Variants in RAB11FIP4 observed in about 807,000 individuals in gnomAD.
The protein encoded by RAB11FIP4 is RAB11 family interacting protein 4.
In RAB11FIP4, 23 loss-of-function variants were observed where a neutral mutation model predicts 74.3. The observed-to-expected ratio is 0.31, with a 90% CI of 0.22 to 0.44. The LOEUF is 0.44. Among genes scored for constraint, RAB11FIP4 ranks in the 20% least tolerant of loss-of-function variants. RAB11FIP4 has a pLI of 1.00. For missense variants in RAB11FIP4, 630 were observed against 863.9 expected, an observed-to-expected ratio of 0.73 and a Z score of 3.39; for synonymous variants, 360 against 359.9, an observed-to-expected ratio of 1.00 and a Z score of 0.00.
At chr17:31,523,759 TCCCCCACC>T in intron 8 of RAB11FIP4, 126 bp from the exon 9 acceptor site, 1 of 991,476 alleles carries the variant, frequency 1.0e-6, no homozygotes, top group Non-Finnish European at 1.6e-6. Context: ...TGTTCCCCAC[TCCCCCACC>T]CCACACATGA....
chr17:31,449,361 A>G (rs1652820600), intron 3 of RAB11FIP4, among the ~76,000 whole-genome samples: 1 of 152,140 alleles, frequency 6.6e-6, no homozygotes, highest in Admixed American at 6.5e-5. Flanking sequence ...TGGAGCTGAC[A>G]TAATAATGCC....
chr17:31,402,598 T>TTTCA (rs1555541192), intron 1 of RAB11FIP4, among the ~76,000 whole-genome samples: 1 of 142,752 alleles, frequency 7.0e-6, no homozygotes, highest in Non-Finnish European at 1.5e-5. Context: ...TTTTATTTAT[T>TTTCA]TTTATTTATT....
At chr17:31,513,762 A>G (rs940168896) in intron 3 of RAB11FIP4, among the ~76,000 whole-genome samples, 2 of 152,256 alleles carry the variant, frequency 1.3e-5, no homozygotes, top group Admixed American at 6.5e-5. Flanking sequence ...TGTTGGGAAT[A>G]GCCATTTTTA....
At chr17:31,490,725 TG>T (rs1158202323) in intron 3 of RAB11FIP4, among the ~76,000 whole-genome samples, 1 of 152,138 alleles carries the variant, frequency 6.6e-6, no homozygotes, top group East Asian at 1.9e-4. Context: ...GGCTAATTTT[TG>T]TTTTTGTTTT....
chr17:31,480,816 A>C (rs2071840969), intron 3 of RAB11FIP4, among the ~76,000 whole-genome samples: 1 of 138,112 alleles, frequency 7.2e-6, no homozygotes, highest in Admixed American at 7.2e-5. Context: ...AAAAAAAAAA[A>C]GAAAGAAAAT....
At chr17:31,513,234 A>AC (rs1484952477) in intron 3 of RAB11FIP4, among the ~76,000 whole-genome samples, 3 of 151,902 alleles carry the variant, frequency 2.0e-5, no homozygotes, top group African/African-American at 4.8e-5. Context: ...GAAGTCTGTG[A>AC]CCCCCAGGCC....
intron 3 of RAB11FIP4, among the ~76,000 whole-genome samples, chr17:31,471,245 T>TG (rs2071734046): frequency 6.6e-6 from 1 of 150,590 alleles, no homozygotes; most frequent in African/African-American, 2.5e-5. Flanking sequence ...TTTTTTTTTT[T>TG]GTAGAGATAA....
intron 2 of RAB11FIP4, among the ~76,000 whole-genome samples, chr17:31,432,644 G>A (rs1390850899): frequency 6.6e-6 from 1 of 152,180 alleles, no homozygotes; most frequent in Non-Finnish European, 1.5e-5. Context: ...ACAGGCATCA[G>A]CCTCCATGCC....
At chr17:31,482,113 T>A (rs985823642) in intron 3 of RAB11FIP4, among the ~76,000 whole-genome samples, 3 of 151,982 alleles carry the variant, frequency 2.0e-5, no homozygotes, top group African/African-American at 7.3e-5. Context: ...AGGGGAGGAG[T>A]CTGAGGCCCA....
intron 3 of RAB11FIP4, among the ~76,000 whole-genome samples, chr17:31,441,088 G>A (rs757657680): frequency 4.6e-5 from 7 of 151,982 alleles, no homozygotes; most frequent in Non-Finnish European, 1.0e-4. Flanking sequence ...GCAGTGGCTG[G>A]ATCTCTGCTC....
intron 11 of RAB11FIP4, 117 bp downstream of exon 11, chr17:31,528,040 A>G (rs553257011): frequency 2.0e-5 from 15 of 755,998 alleles, no homozygotes; most frequent in East Asian, 1.6e-4. Context: ...AAAAGTGAAT[A>G]ACAACTTGTG....
intron 1 of RAB11FIP4, among the ~76,000 whole-genome samples, chr17:31,412,207 C>T (rs1227338577): frequency 9.2e-5 from 14 of 152,228 alleles, no homozygotes; most frequent in Admixed American, 9.2e-4. Flanking sequence ...CACCACCCTC[C>T]TCTCACACAG....
chr17:31,438,765 T>C (rs893017057), intron 3 of RAB11FIP4, among the ~76,000 whole-genome samples: 4 of 152,154 alleles, frequency 2.6e-5, no homozygotes, highest in African/African-American at 9.7e-5. Flanking sequence ...ATCTTTCTCC[T>C]AGGATGTCCT....
In RAB11FIP4 at chr17:31,391,781, G is replaced by A; in HGVS notation, c.-72G>A. ...AGACGGGCGGCCCCGGAGGGCGCGC[G>A]GCGATGGCGGCGGCGGGCAGGCGGC... On this transcript the variant is annotated 5_prime_UTR_variant, in exon 1 of 15. Transcript: ENST00000621161. The A allele has an allele frequency of 5.2e-6, 5 of 965,048 alleles. No individual in the cohort carries two copies. Among genetic ancestry groups the A allele is most frequent in the Non-Finnish European group, 6.1e-6 (5 of 813,846 alleles). The allele number at this position is 965,048 out of a possible 1,614,324, so 59.8% of individuals were successfully genotyped here.
intron 4 of RAB11FIP4, among the ~76,000 whole-genome samples, chr17:31,519,570 G>C (rs1195202987): frequency 1.3e-5 from 2 of 152,068 alleles, no homozygotes; most frequent in African/African-American, 4.8e-5. Flanking sequence ...CGAGGGGGTT[G>C]CAAGTGGCAG....
At chr17:31,497,227 G>A (rs2072133685) in intron 3 of RAB11FIP4, among the ~76,000 whole-genome samples, 1 of 152,130 alleles carries the variant, frequency 6.6e-6, no homozygotes, top group Non-Finnish European at 1.5e-5. Flanking sequence ...AGCCCGGCGT[G>A]GTGGCAGGCG....
chr17:31,516,841 G>A (rs1202664405), intron 3 of RAB11FIP4, among the ~76,000 whole-genome samples: 1 of 152,202 alleles, frequency 6.6e-6, no homozygotes, highest in East Asian at 1.9e-4. Flanking sequence ...CCTGGTTGCA[G>A]AATTTTCTGG....
rs1035182110 is a variant in RAB11FIP4 at position 31,513,201 on chromosome 17, C to T, written c.337-4450C>T. On this transcript the variant is annotated intron_variant, in intron 3 of 14. Coordinates refer to ENST00000621161, the MANE Select transcript of RAB11FIP4 (RefSeq NM_032932.6). ...GATTCTTACCTGCAGGCAGCCTGGC[C>T]GGAGAGGAACCCACCGCCTCCAGAA... is the stretch of plus-strand genomic sequence containing the variant. 8.5e-5 allele frequency among the ~76,000 whole-genome samples: 13 copies of T among 152,154 alleles called. 1 individual carries two copies. The highest frequency in any genetic ancestry group is 6.5e-5 in the Admixed American group (1 of 15,276).
chr17:31,474,420 C>T (rs183449610), intron 3 of RAB11FIP4, among the ~76,000 whole-genome samples: 457 of 152,178 alleles, frequency 3.0e-3, no homozygotes, highest in Non-Finnish European at 4.8e-3. Flanking sequence ...ACCTGTAATC[C>T]CAGCACTTTG....
Sources: allele counts gnomAD v4.1 joint callset (sites outside exome capture counted in the v4.1 genomes callset), GRCh38; gene constraint gnomAD v4.1.1; transcripts MANE v1.5; gene names NCBI Gene and HGNC (gene_info 2026-07-23, HGNC 2026-07-21).